The following UPF3B variants were observed in gnomAD, a reference collection of about 807,000 sequenced individuals.
UPF3B encodes UPF3B regulator of nonsense mediated mRNA decay.
In UPF3B, 7 loss-of-function variants were observed where a neutral mutation model predicts 40.3. The ratio of observed to expected loss-of-function variants is 0.17; its 90% CI spans 0.10 to 0.33. The LOEUF is 0.33. UPF3B is among the 10% of genes least tolerant of loss of function. The pLI is 1.00. For missense variants in UPF3B, 229 were observed against 358.9 expected (o/e 0.64, Z 2.93); for synonymous variants, 117 against 117.3 (o/e 1.00, Z 0.01).
At chrX:119,843,568 G>A (rs1236138967) in intron 4 of UPF3B, among the ~76,000 whole-genome samples, 1 of 111,677 alleles carries the variant, frequency 9.0e-6, no homozygotes, top group Non-Finnish European at 1.9e-5. Flanking sequence ...GAACCACTAG[G>A]GGTATTACAT....
At chrX:119,847,756 C>G (rs2428209) in intron 3 of UPF3B, among the ~76,000 whole-genome samples, 5,583 of 108,415 alleles carry the variant, frequency 0.051, 310 homozygotes, top group African/African-American at 0.18. Flanking sequence ...GACAGAGACT[C>G]TGTCTCAAAA....
chrX:119,826,649 A>G (rs760035902), intron 3 of UPF3B, among the ~76,000 whole-genome samples: 59 of 112,522 alleles, frequency 5.2e-4, no homozygotes, highest in African/African-American at 1.8e-3. Flanking sequence ...TGGAAATTGT[A>G]AACAAGTGGG....
At chrX:119,832,739 C>T (rs1208483268), downstream of UPF3B, among the ~76,000 whole-genome samples, 1 of 111,557 alleles carries the variant, frequency 9.0e-6, no homozygotes, top group Non-Finnish European at 1.9e-5. Context: ...TCTAGGCAGC[C>T]TGACCCCACC....
At chrX:119,841,448 T>C (rs2056160254) in intron 6 of UPF3B, among the ~76,000 whole-genome samples, 190 bp from the exon 7 acceptor site, 1 of 111,776 alleles carries the variant, frequency 8.9e-6, no homozygotes, top group African/African-American at 3.2e-5. Context: ...CCTGCTAATA[T>C]TATTCTTCCA....
At chrX:119,833,784 G>A (rs1339601758), downstream of UPF3B, among the ~76,000 whole-genome samples, 2 of 112,301 alleles carry the variant, frequency 1.8e-5, no homozygotes, top group Admixed American at 1.9e-4. Flanking sequence ...GTGATTACAG[G>A]CGTGAGCCAC....
chrX:119,807,913 G>A (rs1051639097), intron 5 of UPF3B, among the ~76,000 whole-genome samples: 2 of 111,671 alleles, frequency 1.8e-5, no homozygotes, highest in Non-Finnish European at 3.8e-5. Context: ...TCCCACCTCA[G>A]CTCCCTAGTA....
chrX:119,844,996 C>G (rs1395876905), intron 4 of UPF3B, among the ~76,000 whole-genome samples: 1 of 112,366 alleles, frequency 8.9e-6, no homozygotes, highest in African/African-American at 3.2e-5. Context: ...AATGCCCTAG[C>G]CAAAGAGAGC....
rs1365761489 is a variant in UPF3B at position 119,845,221 on chromosome X, G to A, written c.446C>T (p.Thr149Ile). 8.3e-7 allele frequency: 1 copy of A among 1,207,433 alleles called. No individual in the cohort carries two copies. The highest frequency in any genetic ancestry group is 1.1e-6 in the Non-Finnish European group (1 of 893,085). Residue 149 changes from threonine (T) to isoleucine (I), a missense_variant, in exon 4 of 11, where the codon ACC (threonine) becomes ATC (isoleucine). This residue lies in a region of UPF3B where 87 missense variants were observed against 184.2 expected (regional missense o/e 0.47). Coordinates refer to ENST00000276201, the MANE Select transcript of UPF3B (RefSeq NM_080632.3). ...ACCATCATCGATAGTCCCGACTTTG[G>A]TATCTCTTTTCTTAGTCTTCTTTTT... ...AAKKKTKKRD[T>I]KVGTIDDDPE... is the part of the protein sequence containing the mutation.
chrX:119,847,075 A>G (rs2056243886), intron 3 of UPF3B, among the ~76,000 whole-genome samples: 1 of 112,513 alleles, frequency 8.9e-6, no homozygotes, highest in Non-Finnish European at 1.9e-5. Flanking sequence ...AACCACAATG[A>G]GGTATCATCT....
downstream of UPF3B, among the ~76,000 whole-genome samples, chrX:119,830,616 C>A (rs1214530077): frequency 1.8e-5 from 2 of 110,341 alleles, no homozygotes; most frequent in African/African-American, 6.6e-5. Flanking sequence ...AATGGCCTAA[C>A]ATAGTAGTGA....
chrX:119,842,486 GGC>G (rs2056172711), intron 5 of UPF3B, among the ~76,000 whole-genome samples: 1 of 108,843 alleles, frequency 9.2e-6, no homozygotes, highest in South Asian at 4.0e-4. Context: ...GGGAGACTGC[GGC>G]AGAATCGCCT....
At chrX:119,818,763 TATTA>T (rs1423261119) in intron 4 of UPF3B, among the ~76,000 whole-genome samples, 346 of 112,198 alleles carry the variant, frequency 3.1e-3, no homozygotes, top group African/African-American at 0.011. Flanking sequence ...CGTTGCTGCA[TATTA>T]ATTGTGGTTT....
At chrX:119,830,558 T>C (rs2056025408), downstream of UPF3B, among the ~76,000 whole-genome samples, 2 of 110,751 alleles carry the variant, frequency 1.8e-5, no homozygotes, top group African/African-American at 6.6e-5. Flanking sequence ...TTAAACCTCT[T>C]TTCTTATAAA....
exon 4 of UPF3B, chrX:119,823,015 C>G (rs1397272991): frequency 2.3e-6 from 2 of 871,285 alleles, no homozygotes; most frequent in East Asian, 1.7e-4. Flanking sequence ...TCGAGCTCCT[C>G]GATGGTAACA....
At chrX:119,844,345 C>T (rs2056201858) in intron 4 of UPF3B, among the ~76,000 whole-genome samples, 1 of 111,112 alleles carries the variant, frequency 9.0e-6, no homozygotes, top group Non-Finnish European at 1.9e-5. Flanking sequence ...GCCACCGCGC[C>T]TGGCCTCAGT....
At chrX:119,828,533 G>A (rs778443479) in intron 3 of UPF3B, among the ~76,000 whole-genome samples, 14 of 110,943 alleles carry the variant, frequency 1.3e-4, no homozygotes, top group Non-Finnish European at 2.5e-4. Context: ...GTAGCTGAGT[G>A]TGGTGTCACA....
intron 4 of UPF3B, among the ~76,000 whole-genome samples, chrX:119,817,340 G>A (rs1280237739): frequency 1.8e-5 from 2 of 111,956 alleles, no homozygotes; most frequent in East Asian, 5.6e-4. Context: ...GGCAGAAGGG[G>A]AAGTGGACAC....
downstream of UPF3B, chrX:119,833,968 A>T: frequency 1.4e-6 from 1 of 730,348 alleles, no homozygotes; most frequent in East Asian, 1.5e-4. Flanking sequence ...GATGTCAAAA[A>T]TTTAATTTCT....
At chrX:119,842,081 TA>T (rs1402202908) in intron 5 of UPF3B, among the ~76,000 whole-genome samples, 7 of 112,188 alleles carry the variant, frequency 6.2e-5, no homozygotes, top group African/African-American at 2.3e-4. Flanking sequence ...GATAGGAGTG[TA>T]AACTTGTTCA....
Sources: allele counts gnomAD v4.1 joint callset (sites outside exome capture counted in the v4.1 genomes callset), GRCh38; gene constraint gnomAD v4.1.1; regional missense constraint gnomAD v4.1.1; transcripts MANE v1.5; gene names NCBI Gene and HGNC (gene_info 2026-07-23, HGNC 2026-07-21).